The following STX18 variants were observed in gnomAD, a reference collection of about 807,000 sequenced individuals.
The protein encoded by STX18 is syntaxin 18.
Under a neutral mutation model 50.1 loss-of-function variants are expected in STX18, and 40 were observed. The ratio of observed to expected loss-of-function variants is 0.80; its 90% confidence interval spans 0.62 to 1.04. The LOEUF (loss-of-function observed/expected upper bound fraction) is 1.04, where lower values mean the gene tolerates loss of function less well. STX18 is among the 50% of genes least tolerant of loss of function. STX18 has a pLI of 0.00. For synonymous variants in STX18, 158 were observed against 151.8 expected (o/e 1.04, Z -0.30); for missense variants, 410 against 415.8 (o/e 0.99, Z 0.12).
intron 1 of STX18, among the ~76,000 whole-genome samples, chr4:4,540,411 G>C (rs1731531875): frequency 6.6e-6 from 1 of 152,136 alleles, no homozygotes; most frequent in African/African-American, 2.4e-5. Flanking sequence ...AATGTTTATT[G>C]AACCAACTTA....
intron 1 of STX18, among the ~76,000 whole-genome samples, chr4:4,514,210 T>C (rs993447354): frequency 7.9e-5 from 12 of 152,224 alleles, no homozygotes; most frequent in Non-Finnish European, 1.5e-4. Flanking sequence ...TACACGTAGA[T>C]ATATGAATCA....
intron 1 of STX18, among the ~76,000 whole-genome samples, chr4:4,509,711 A>G (rs948917337): frequency 6.6e-6 from 1 of 152,202 alleles, no homozygotes; most frequent in Non-Finnish European, 1.5e-5. Flanking sequence ...AATGCAAAGT[A>G]AGGGAAATCT....
chr4:4,492,355 T>C (rs1728980434), intron 1 of STX18, among the ~76,000 whole-genome samples: 1 of 152,164 alleles, frequency 6.6e-6, no homozygotes, highest in South Asian at 2.1e-4. Flanking sequence ...AATTGACTTT[T>C]GAATTGTGTG....
Position 4,420,195 on chromosome 4 carries a change from G to A in STX18, c.913-66C>T, listed in dbSNP as rs1724855756. 3 of 1,303,330 alleles carry A rather than the reference G, an allele frequency of 2.3e-6. No homozygotes were observed. The highest frequency in any genetic ancestry group is 1.5e-5 in the African/African-American group (1 of 68,260). 80.7% of individuals were successfully genotyped at this position (1,303,330 alleles called of 1,614,324 possible). On this transcript the variant is annotated intron_variant, in intron 10 of 10. Transcript: ENST00000306200. This position sits in a 1 kb window ranked among gnomAD's most constrained non-coding sequence, Gnocchi z 4.3. ...ATTTTGGTTTGAGCAGCCCTGAAAT[G>A]CCCCCCTCTTCCCACGTGCTCTCCT...
Position 4,459,060 on chromosome 4 carries a change from A to ACGCG in STX18, c.352+311_352+312insCGCG, listed in dbSNP as rs899527406. 2.4e-3 allele frequency among the ~76,000 whole-genome samples: 331 copies of ACGCG among 139,528 alleles called. 2 individuals carry two copies. The highest frequency in any genetic ancestry group is 9.2e-3 in the African/African-American group (310 of 33,808). The allele number at this position is 139,528 out of a possible 152,430, so 91.5% of individuals were successfully genotyped here. ...AATTTGCCACACAGAACACACACAC[A>ACGCG]CGCACACACACACACACACACACAC... On this transcript the variant is annotated intron_variant, in intron 3 of 10. Transcript: ENST00000306200.
At chr4:4,470,365 G>A (rs1393431675) in intron 2 of STX18, among the ~76,000 whole-genome samples, 1 of 152,174 alleles carries the variant, frequency 6.6e-6, no homozygotes, top group Non-Finnish European at 1.5e-5. Context: ...CCCCTGGGGT[G>A]CAAAATCACC....
intron 1 of STX18, among the ~76,000 whole-genome samples, chr4:4,480,383 G>A (rs1042308435): frequency 1.9e-4 from 29 of 152,266 alleles, no homozygotes; most frequent in African/African-American, 6.5e-4. Context: ...GTCTCCAGAC[G>A]CAAAGCCCTC....
chr4:4,484,062 C>G (rs556909192), intron 1 of STX18, among the ~76,000 whole-genome samples: 1 of 152,128 alleles, frequency 6.6e-6, no homozygotes, highest in Non-Finnish European at 1.5e-5. Flanking sequence ...TGGGGTTTCA[C>G]CATGTTAGCC....
chr4:4,467,686 G>A (rs751287007), intron 2 of STX18, among the ~76,000 whole-genome samples: 8 of 121,852 alleles, frequency 6.6e-5, no homozygotes, highest in Non-Finnish European at 9.5e-5. Context: ...AATAACTGGT[G>A]CTTATCAGAG....
At chr4:4,456,579 G>C (rs1255414397) in intron 5 of STX18, among the ~76,000 whole-genome samples, 1 of 152,178 alleles carries the variant, frequency 6.6e-6, no homozygotes, top group Non-Finnish European at 1.5e-5. Context: ...TGGAGCGTCA[G>C]CGTCCTTACC....
At chr4:4,438,534 G>A (rs1159701963) in intron 5 of STX18, 25 bp from the exon 6 acceptor site, 4 of 1,556,132 alleles carry the variant, frequency 2.6e-6, no homozygotes, top group Middle Eastern at 1.7e-4. Context: ...TTAGCAGGCA[G>A]GTATTTTATT....
chr4:4,490,596 T>G (rs545810423), intron 1 of STX18, among the ~76,000 whole-genome samples: 107 of 152,276 alleles, frequency 7.0e-4, no homozygotes, highest in Non-Finnish European at 1.3e-3. Flanking sequence ...AACTAAGAAT[T>G]TTTTTACATG....
chr4:4,476,227 G>A (rs749389978), intron 1 of STX18: 1 of 152,144 alleles, frequency 6.6e-6, no homozygotes, highest in Non-Finnish European at 1.5e-5. Flanking sequence ...GAGAGGAAGG[G>A]TATGGACAAA....
chr4:4,471,680 A>T lies in STX18; in HGVS notation c.195T>A (p.Asp65Glu). The T allele has an allele frequency of 6.3e-7, 1 of 1,587,278 alleles. No individual in the cohort carries two copies. Among genetic ancestry groups the T allele is most frequent in the Non-Finnish European group, 8.5e-7 (1 of 1,173,106 alleles). The stretch of plus-strand genomic sequence containing the variant: ...AATCTTTCCTGTGTTCCAGAAGAAA[A>T]TCTCTCAGTTTGCCAATGTGAGAAA... Reference protein sequence around the residue: ...EVISHIGKLRDFLLEHRKDYI... With the variant: ...EVISHIGKLREFLLEHRKDYI... Residue 65 changes from aspartate (D) to glutamate (E), a missense_variant, in exon 2 of 11, where the codon GAT (aspartate) becomes GAA (glutamate). Asp to Glu is a conservative substitution (Grantham distance 45, BLOSUM62 2). Transcript: ENST00000306200.
intron 9 of STX18, among the ~76,000 whole-genome samples, chr4:4,422,219 C>T (rs1426220210): frequency 6.6e-6 from 1 of 151,160 alleles, no homozygotes; most frequent in Non-Finnish European, 1.5e-5. Flanking sequence ...ATATGAACTA[C>T]AATGCAACAC....
rs1731230951 is a variant in STX18 at position 4,534,226 on chromosome 4, G to A, written c.168+7571C>T. ...AGGTTTATCAGTAAGCACTGCTGCT[G>A]GGGAGTTATCCACCACATGCTGTCT... On this transcript the variant is annotated intron_variant, in intron 1 of 10. Transcript: ENST00000306200. Among the ~76,000 whole-genome samples the A allele has an allele frequency of 5.3e-5, 8 of 152,138 alleles. No homozygotes were observed. In the South Asian group the frequency reaches 1.7e-3, roughly 32 times the overall value.
At chr4:4,485,333 T>C (rs1445403560) in intron 1 of STX18, among the ~76,000 whole-genome samples, 1 of 152,224 alleles carries the variant, frequency 6.6e-6, no homozygotes, top group East Asian at 1.9e-4. Context: ...TATTTCAGTC[T>C]CACCCATAGG....
At chr4:4,506,015 C>T (rs1020868905) in intron 1 of STX18, among the ~76,000 whole-genome samples, 4 of 152,076 alleles carry the variant, frequency 2.6e-5, no homozygotes, top group Non-Finnish European at 5.9e-5. Context: ...TTTTTTATTG[C>T]CAAATAATAT....
At position 4,449,756 on chromosome 4, in the gene STX18, G is replaced by A. The variant is rs73086240; in HGVS notation, c.497+7435C>T. Among the ~76,000 whole-genome samples the A allele has an allele frequency of 6.2e-3, 948 of 152,270 alleles. 12 individuals carry two copies. Among genetic ancestry groups the A allele is most frequent in the African/African-American group, 0.022 (919 of 41,560 alleles). On this transcript the variant is annotated intron_variant, in intron 5 of 10. Transcript: ENST00000306200. Reference sequence around the variant, plus strand: ...AGGGGGAGCAGTGCTTTGACACTATGTATCAATTTCAATCTTTCAATTTAT... The same window carrying A: ...AGGGGGAGCAGTGCTTTGACACTATATATCAATTTCAATCTTTCAATTTAT...
Sources: gnomAD v4.1 joint callset for allele counts (sites outside exome capture counted in the v4.1 genomes callset) on GRCh38, gnomAD v4.1.1 for gene constraint, Gnocchi (gnomAD v3.1) non-coding constraint, MANE v1.5 for transcripts, NCBI Gene and HGNC (gene_info 2026-07-23, HGNC 2026-07-21) for gene names.